The following LY96 variants were observed in gnomAD, a reference collection of about 807,000 sequenced individuals.
LY96 encodes lymphocyte antigen 96, also known as myeloid differentiation protein-2.
Under a neutral mutation model 18.9 loss-of-function variants are expected in LY96, and 18 were observed. The observed-to-expected ratio is 0.95, with a 90% CI of 0.66 to 1.41. The LOEUF is 1.41. Among genes scored for constraint, LY96 ranks in the 40% most tolerant of loss-of-function variants. The pLI is 0.00. For synonymous variants in LY96, 66 were observed against 62.6 expected (o/e 1.06, Z -0.26); for missense variants, 175 against 182.4 (o/e 0.96, Z 0.23).
At chr8:74,085,571 G>A in the LY96 span, among the ~76,000 whole-genome samples, 5 of 152,130 alleles carry the variant, frequency 3.3e-5, no homozygotes, top group Admixed American at 1.3e-4. Context: ...TGCCTTTGCC[G>A]CAGCCAGCTC....
At chr8:74,036,805 T>G in the LY96 span, among the ~76,000 whole-genome samples, 3 of 152,158 alleles carry the variant, frequency 2.0e-5, no homozygotes, top group African/African-American at 7.2e-5. Flanking sequence ...CACATTAAGC[T>G]CTCTGAGTAG....
At chr8:74,050,459 C>A in the LY96 span, among the ~76,000 whole-genome samples, 1 of 152,002 alleles carries the variant, frequency 6.6e-6, no homozygotes, top group African/African-American at 2.4e-5. Context: ...CTCCACCATC[C>A]GTCACCAGGT....
At chr8:73,996,356 C>CATTT (rs1491361310) in intron 1 of LY96, among the ~76,000 whole-genome samples, 2 of 126,708 alleles carry the variant, frequency 1.6e-5, no homozygotes, top group South Asian at 5.2e-4. Context: ...TTCCTTCCTT[C>CATTT]CTTCCTTCCT....
At chr8:74,054,095 A>G in the LY96 span, among the ~76,000 whole-genome samples, 1 of 152,204 alleles carries the variant, frequency 6.6e-6, no homozygotes, top group Non-Finnish European at 1.5e-5. Flanking sequence ...TGCTGTGAAC[A>G]GGGCTCTCTG....
downstream of LY96, among the ~76,000 whole-genome samples, chr8:74,031,831 A>G (rs7817125): frequency 0.24 from 36,854 of 150,642 alleles, 5,205 homozygotes; most frequent in African/African-American, 0.4. Flanking sequence ...CAACCATTAA[A>G]ACCAGAGGGT....
chr8:74,036,653 T>TA, the LY96 span, among the ~76,000 whole-genome samples: 8 of 152,142 alleles, frequency 5.3e-5, no homozygotes, highest in Non-Finnish European at 7.4e-5. Flanking sequence ...AAATTGTCCA[T>TA]AAAAAATCTA....
chr8:74,029,515 C>A (rs900219284), downstream of LY96, among the ~76,000 whole-genome samples: 9 of 152,108 alleles, frequency 5.9e-5, no homozygotes, highest in African/African-American at 1.9e-4. Context: ...TTATAAGGAG[C>A]TTTCCCCACC....
At chr8:74,003,387 A>T (rs951874925) in intron 1 of LY96, among the ~76,000 whole-genome samples, 2 of 152,244 alleles carry the variant, frequency 1.3e-5, no homozygotes. Flanking sequence ...AAGGATATAG[A>T]GGCAGAACAA....
the LY96 span, among the ~76,000 whole-genome samples, chr8:74,048,308 C>T: frequency 1.3e-3 from 203 of 150,864 alleles, 2 homozygotes; most frequent in African/African-American, 4.3e-3. Context: ...GTCGCCTAGG[C>T]GGGAGTACAG....
At chr8:74,009,724 A>G (rs1178450824) in intron 2 of LY96, among the ~76,000 whole-genome samples, 2 of 152,136 alleles carry the variant, frequency 1.3e-5, no homozygotes, top group African/African-American at 4.8e-5. Context: ...AGTTTTCTCA[A>G]TGAAGTTATG....
chr8:74,047,816 G>A, the LY96 span, among the ~76,000 whole-genome samples: 2 of 152,178 alleles, frequency 1.3e-5, no homozygotes, highest in Non-Finnish European at 2.9e-5. Context: ...CAAAGTATCT[G>A]AAACACAAAT....
intron 1 of LY96, 25 bp downstream of exon 1, chr8:73,991,579 A>G: frequency 2.3e-6 from 3 of 1,304,440 alleles, no homozygotes; most frequent in Non-Finnish European, 3.3e-6. Context: ...AAAACAAATA[A>G]TTGTAGCATC....
At chr8:74,070,911 G>T in the LY96 span, among the ~76,000 whole-genome samples, 2 of 151,980 alleles carry the variant, frequency 1.3e-5, no homozygotes, top group Non-Finnish European at 2.9e-5. Context: ...TGGGTACCTT[G>T]TGCACCATAT....
chr8:74,074,865 A>AT, the LY96 span, among the ~76,000 whole-genome samples: 38 of 152,154 alleles, frequency 2.5e-4, no homozygotes, highest in African/African-American at 9.2e-4. Context: ...TATTATTTCA[A>AT]TTTTTTTGAA....
the LY96 span, among the ~76,000 whole-genome samples, chr8:74,052,840 A>G: frequency 3.9e-5 from 6 of 151,920 alleles, no homozygotes; most frequent in African/African-American, 1.2e-4. Flanking sequence ...AAGGAGGGGT[A>G]TGATTGTGGT....
chr8:74,044,724 T>G, the LY96 span, among the ~76,000 whole-genome samples: 1 of 152,206 alleles, frequency 6.6e-6, no homozygotes, highest in Admixed American at 6.5e-5. Context: ...ATGAACAATT[T>G]TTTTTCTCTG....
the LY96 span, among the ~76,000 whole-genome samples, chr8:74,053,701 T>C: frequency 6.6e-6 from 1 of 152,366 alleles, no homozygotes; most frequent in African/African-American, 2.4e-5. Flanking sequence ...CAAATGGATT[T>C]AAGTAATGCT....
At chr8:74,080,225 G>C in the LY96 span, among the ~76,000 whole-genome samples, 1 of 152,140 alleles carries the variant, frequency 6.6e-6, no homozygotes, top group African/African-American at 2.4e-5. Flanking sequence ...GGTAAATGGG[G>C]CTTGGAATCA....
chr8:74,010,356 C>G (rs1307230033), intron 3 of LY96, among the ~76,000 whole-genome samples: 1 of 152,084 alleles, frequency 6.6e-6, no homozygotes, highest in Non-Finnish European at 1.5e-5. Context: ...AGTAACCCAC[C>G]AGATTTTCTA....
Sources: gnomAD v4.1 joint callset for allele counts (sites outside exome capture counted in the v4.1 genomes callset) on GRCh38, gnomAD v4.1.1 for gene constraint, MANE v1.5 for transcripts, NCBI Gene and HGNC (gene_info 2026-07-23, HGNC 2026-07-21) for gene names.